Variants in TBC1D5 observed in about 807,000 individuals in gnomAD.
TBC1D5 encodes the protein TBC1 domain family member 5.
In TBC1D5, 75 loss-of-function variants were observed where a neutral mutation model predicts 100.3. That is an observed-to-expected ratio of 0.75 (90% CI 0.62 to 0.91). The LOEUF (loss-of-function observed/expected upper bound fraction) is 0.91, where lower values mean the gene tolerates loss of function less well. Ranked by LOEUF, TBC1D5 falls within the 40% of genes least tolerant of loss-of-function variation. TBC1D5 has a pLI of 0.00. For synonymous variants in TBC1D5, 323 were observed against 325.6 expected (o/e 0.99, Z 0.09); for missense variants, 910 against 942.4 (o/e 0.97, Z 0.45).
chr3:17,211,813 G>C (rs550076960), intron 18 of TBC1D5, among the ~76,000 whole-genome samples: 1 of 152,212 alleles, frequency 6.6e-6, no homozygotes, highest in Non-Finnish European at 1.5e-5. Context: ...GGAGGGAACA[G>C]AGCTAAATGC....
intron 15 of TBC1D5, among the ~76,000 whole-genome samples, chr3:17,261,831 C>T (rs536678256): frequency 4.1e-5 from 6 of 145,754 alleles, no homozygotes; most frequent in African/African-American, 1.5e-4. Context: ...CTAATATTTG[C>T]TTTTCTTAAA....
chr3:17,669,611 G>T (rs1233230900), intron 1 of TBC1D5, among the ~76,000 whole-genome samples: 3 of 151,924 alleles, frequency 2.0e-5, no homozygotes, highest in Admixed American at 6.6e-5. Context: ...ATAAGGATAG[G>T]AATAATAAAT....
intron 13 of TBC1D5, among the ~76,000 whole-genome samples, chr3:17,326,171 C>G (rs982009526): frequency 6.6e-6 from 1 of 152,138 alleles, no homozygotes; most frequent in African/African-American, 2.4e-5. Context: ...AATTTGTTCT[C>G]ATATTCAAAA....
At chr3:17,659,612 A>C (rs2066453764) in intron 1 of TBC1D5, among the ~76,000 whole-genome samples, 1 of 152,200 alleles carries the variant, frequency 6.6e-6, no homozygotes, top group Non-Finnish European at 1.5e-5. Context: ...GAACAGCTAA[A>C]GAAATTTATT....
chr3:17,498,604 A>G (rs1478424346), intron 3 of TBC1D5, among the ~76,000 whole-genome samples: 1 of 152,154 alleles, frequency 6.6e-6, no homozygotes, highest in Non-Finnish European at 1.5e-5. Context: ...GAGACATACA[A>G]TTTATAATCT....
chr3:17,318,233 G>A (rs1163911862), intron 13 of TBC1D5, among the ~76,000 whole-genome samples: 25 of 120,262 alleles, frequency 2.1e-4, no homozygotes, highest in Non-Finnish European at 4.0e-4. Flanking sequence ...GTTGTGGGGT[G>A]GGGGGAGGGG....
intron 2 of TBC1D5, among the ~76,000 whole-genome samples, chr3:17,613,390 G>A (rs1357651330): frequency 6.6e-6 from 1 of 152,056 alleles, no homozygotes; most frequent in Non-Finnish European, 1.5e-5. Flanking sequence ...CAATCCTTTG[G>A]GTATATACCC....
chr3:17,596,942 A>G (rs1451932127), intron 2 of TBC1D5, among the ~76,000 whole-genome samples: 1 of 152,208 alleles, frequency 6.6e-6, no homozygotes, highest in East Asian at 1.9e-4. Flanking sequence ...ATCTATTGGC[A>G]CACTAAGTCA....
intron 1 of TBC1D5, among the ~76,000 whole-genome samples, chr3:17,706,724 ATTTGAG>A (rs1181683711): frequency 6.6e-6 from 1 of 152,004 alleles, no homozygotes; most frequent in Non-Finnish European, 1.5e-5. Context: ...ATAATTATAT[ATTTGAG>A]TTTAAATTAT....
chr3:17,185,191 G>A lies in TBC1D5; in HGVS notation c.1770C>T (p.Ala590=), dbSNP rs746270314. 1.9e-6 allele frequency: 3 copies of A among 1,612,920 alleles called. No individual in the cohort carries two copies. The East Asian group carries it at 6.7e-5, about 36-fold the overall frequency. Residue 590 remains alanine, a synonymous_variant, in exon 19 of 22, where the codon GCC becomes GCT. Coordinates refer to ENST00000253692, the Ensembl canonical transcript of TBC1D5. ...ACTGCCCTTGAAGGAAGGAAATTTGGGCTTCTAATTCTTCTTCCTAAAATA... is the reference window on the plus strand; with the variant it reads ...ACTGCCCTTGAAGGAAGGAAATTTGAGCTTCTAATTCTTCTTCCTAAAATA...
chr3:17,568,059 T>C (rs1560179341), intron 2 of TBC1D5, among the ~76,000 whole-genome samples: 1 of 151,616 alleles, frequency 6.6e-6, no homozygotes, highest in African/African-American at 2.4e-5. Flanking sequence ...TTGATAATAA[T>C]GTTCTAGCAA....
intron 13 of TBC1D5, among the ~76,000 whole-genome samples, chr3:17,361,642 C>G (rs1219394460): frequency 2.0e-5 from 3 of 151,950 alleles, no homozygotes; most frequent in African/African-American, 7.2e-5. Flanking sequence ...ACAAATAACC[C>G]ATGGTACAAA....
intron 2 of TBC1D5, among the ~76,000 whole-genome samples, chr3:17,529,955 A>T (rs1440436356): frequency 6.6e-6 from 1 of 152,210 alleles, no homozygotes; most frequent in Admixed American, 6.5e-5. Flanking sequence ...TAAAATAGGT[A>T]AAAACAGCCT....
At chr3:17,352,707 A>AAAAAAAC (rs2090769874) in intron 13 of TBC1D5, among the ~76,000 whole-genome samples, 1 of 147,610 alleles carries the variant, frequency 6.8e-6, no homozygotes, top group African/African-American at 2.5e-5. Flanking sequence ...AAACAAAAAA[A>AAAAAAAC]CCTACTGTGC....
intron 2 of TBC1D5, among the ~76,000 whole-genome samples, chr3:17,528,063 C>T (rs1351694344): frequency 2.1e-5 from 3 of 140,376 alleles, no homozygotes; most frequent in Non-Finnish European, 4.7e-5. Context: ...TTAGGGGGGG[C>T]TGGGAGGGGT....
intron 8 of TBC1D5, among the ~76,000 whole-genome samples, chr3:17,395,903 A>G (rs1223660216): frequency 6.6e-6 from 1 of 152,196 alleles, no homozygotes; most frequent in East Asian, 1.9e-4. Flanking sequence ...TTAAAACAGT[A>G]CAGGAGCAGT....
Position 17,203,725 on chromosome 3 carries a change from TC to T in TBC1D5, c.1752+10481del, listed in dbSNP as rs1395018421. On this transcript the variant is annotated intron_variant, in intron 18 of 21. Coordinates refer to ENST00000253692, the Ensembl canonical transcript of TBC1D5. ...AATCTCTCTTTCTCCTTCTCCAGCC[TC>T]TTCTTTGCCTTCCGCCAAGATTGTA... Among the ~76,000 whole-genome samples, 3 of 152,320 alleles carry T rather than the reference TC, an allele frequency of 2.0e-5. No individual in the cohort carries two copies. The East Asian group carries it at 5.8e-4, about 29-fold the overall frequency.
chr3:17,178,190 T>C (rs1028511680), intron 19 of TBC1D5, among the ~76,000 whole-genome samples: 16 of 151,678 alleles, frequency 1.1e-4, no homozygotes, highest in Admixed American at 2.6e-4. Context: ...CTCAGCCTCC[T>C]GAGTAGCTGG....
intron 13 of TBC1D5, among the ~76,000 whole-genome samples, chr3:17,328,814 T>C (rs1211298313): frequency 2.0e-5 from 3 of 152,232 alleles, no homozygotes; most frequent in Admixed American, 2.0e-4. Context: ...TTTGGATTTA[T>C]GAATTCTTCA....
Sources: allele counts gnomAD v4.1 joint callset (sites outside exome capture counted in the v4.1 genomes callset), GRCh38; gene constraint gnomAD v4.1.1; transcripts MANE v1.5; gene names NCBI Gene and HGNC (gene_info 2026-07-23, HGNC 2026-07-21).